The following RNF180 variants were observed in gnomAD, a reference collection of about 807,000 sequenced individuals.
RNF180 encodes the protein ring finger protein 180, also known as E3 ubiquitin-protein ligase RNF180.
In RNF180, 38 loss-of-function variants were observed where a neutral mutation model predicts 59.2. The observed-to-expected ratio is 0.64, with a 90% confidence interval of 0.50 to 0.84. RNF180 has a LOEUF of 0.84. Among genes scored for constraint, RNF180 ranks in the 40% least tolerant of loss-of-function variants. The pLI is 0.00. For missense variants in RNF180, 705 were observed against 700.9 expected (o/e 1.01, Z -0.07); for synonymous variants, 262 against 240.3 (o/e 1.09, Z -0.84).
chr5:64,186,756 A>T (rs1750892750), intron 1 of RNF180, among the ~76,000 whole-genome samples: 1 of 152,178 alleles, frequency 6.6e-6, no homozygotes. Flanking sequence ...AATCTCCAAA[A>T]ATAATGAAAA....
chr5:64,224,063 G>C (rs1362792444), intron 5 of RNF180, among the ~76,000 whole-genome samples: 1 of 27,114 alleles, frequency 3.7e-5, no homozygotes, highest in Non-Finnish European at 7.0e-5. Context: ...CTAGGTTGGG[G>C]TGTGTGTGTG....
rs1171637074 is a variant in RNF180, at chr5:64,234,578, CTTTTTTTTTTTTTTTTTTTTTTT to C, written c.1227+17199_1227+17221del. 2.9e-4 allele frequency among the ~76,000 whole-genome samples: 14 copies of C among 48,524 alleles called. No individual in the cohort carries two copies. In the East Asian group the frequency reaches 7.7e-3, roughly 27 times the overall value. The allele number at this position is 48,524 out of a possible 152,430, so 31.8% of individuals were successfully genotyped here. A position where few individuals can be genotyped will look rare whatever the true frequency, so the allele number is the denominator to read the frequency against. ...GCTTTCCAAATGGCAGTTACCCGTT[CTTTTTTTTTTTTTTTTTTTTTTT>C]TTTTTTTTTTTTTTTTGAGAAGGAG... On this transcript the variant is annotated intron_variant, in intron 5 of 7. Coordinates refer to ENST00000389100, the MANE Select transcript of RNF180 (RefSeq NM_001113561.2).
In RNF180 at chr5:64,275,964, C is replaced by T. The variant is rs187637360; in HGVS notation, c.1228-49222C>T. Among the ~76,000 whole-genome samples the T allele has an allele frequency of 3.1e-3, 471 of 152,110 alleles. 1 individual carries two copies. Among genetic ancestry groups the T allele is most frequent in the African/African-American group, 0.011 (444 of 41,526 alleles). Reference sequence around the variant, plus strand: ...GCTTCCCTGCTGACAAAACTCCAAACCTTATGGAATGTTCTATCCTGTCAT... The same window carrying T: ...GCTTCCCTGCTGACAAAACTCCAAATCTTATGGAATGTTCTATCCTGTCAT... On this transcript the variant is annotated intron_variant, in intron 5 of 7. Transcript: ENST00000389100.
At chr5:64,208,467 A>G (rs1169194046) in intron 2 of RNF180, among the ~76,000 whole-genome samples, 1 of 152,066 alleles carries the variant, frequency 6.6e-6, no homozygotes, top group Non-Finnish European at 1.5e-5. Context: ...ATCTTAAAAT[A>G]TGTCCATCAA....
At position 64,211,356 on chromosome 5, in the gene RNF180, A is replaced by G. The variant is rs572789966; in HGVS notation, c.136-709A>G. Reference sequence around the variant, plus strand: ...AAGCAGACCTGGGGATTAATGCTCAATGTGCTGCAAGCTTGGTTTATTTTT... The same window carrying G: ...AAGCAGACCTGGGGATTAATGCTCAGTGTGCTGCAAGCTTGGTTTATTTTT... On this transcript the variant is annotated intron_variant, in intron 2 of 7. Transcript: ENST00000389100. Among the ~76,000 whole-genome samples the G allele has an allele frequency of 2.6e-5, 4 of 152,284 alleles. No homozygotes were observed. In the South Asian group the frequency reaches 6.2e-4, roughly 24 times the overall value.
chr5:64,359,803 G>A (rs913026703), intron 7 of RNF180, among the ~76,000 whole-genome samples: 1 of 151,824 alleles, frequency 6.6e-6, no homozygotes, highest in African/African-American at 2.4e-5. Flanking sequence ...ATCTTGAATT[G>A]ATTTTTGTAT....
chr5:64,267,027 T>C (rs768855489), intron 5 of RNF180, among the ~76,000 whole-genome samples: 124 of 152,118 alleles, frequency 8.2e-4, no homozygotes, highest in Non-Finnish European at 1.7e-3. Context: ...GTATGTTTAA[T>C]TTTAGGATGC....
intron 5 of RNF180, among the ~76,000 whole-genome samples, chr5:64,291,049 T>C (rs768628132): frequency 3.9e-5 from 6 of 152,302 alleles, no homozygotes; most frequent in Non-Finnish European, 5.9e-5. Context: ...TCCCTCAGCA[T>C]TTGCTTGTCT....
intron 1 of RNF180, among the ~76,000 whole-genome samples, chr5:64,176,237 G>C (rs985256525): frequency 6.6e-6 from 1 of 151,806 alleles, no homozygotes; most frequent in Non-Finnish European, 1.5e-5. Context: ...TTGTCAGTTT[G>C]TTTTCAGTTT....
intron 7 of RNF180, among the ~76,000 whole-genome samples, chr5:64,362,418 T>G (rs1746293599): frequency 6.6e-6 from 1 of 151,952 alleles, no homozygotes; most frequent in Non-Finnish European, 1.5e-5. Flanking sequence ...GGCCATGATC[T>G]CATTCTTTTT....
At chr5:64,263,093 T>G (rs191368610) in intron 5 of RNF180, among the ~76,000 whole-genome samples, 7 of 152,332 alleles carry the variant, frequency 4.6e-5, no homozygotes, top group Admixed American at 4.6e-4. Context: ...AATAAGTCAC[T>G]TGTCGGAGAA....
intron 5 of RNF180, among the ~76,000 whole-genome samples, chr5:64,229,787 T>G (rs1023599934): frequency 6.6e-6 from 1 of 152,226 alleles, no homozygotes; most frequent in Non-Finnish European, 1.5e-5. Flanking sequence ...GCCGGTATTG[T>G]GCTTCAGTGT....
At chr5:64,211,631 C>T (rs1438039885) in intron 2 of RNF180, among the ~76,000 whole-genome samples, 1 of 152,142 alleles carries the variant, frequency 6.6e-6, no homozygotes, top group Non-Finnish European at 1.5e-5. Flanking sequence ...GTTCCTCCAT[C>T]TTTCTGCACA....
intron 4 of RNF180, among the ~76,000 whole-genome samples, chr5:64,216,757 C>T (rs1752652075): frequency 6.6e-6 from 1 of 152,164 alleles, no homozygotes; most frequent in African/African-American, 2.4e-5. Context: ...TGAGCATCTA[C>T]TTTGGGGAAA....
intron 7 of RNF180, among the ~76,000 whole-genome samples, chr5:64,363,406 T>C (rs193156003): frequency 2.2e-4 from 33 of 151,986 alleles, no homozygotes; most frequent in Admixed American, 3.9e-4. Context: ...TGGTTGTAGA[T>C]GTGTGGCCTT....
At chr5:64,358,516 A>G (rs141168265) in intron 7 of RNF180, among the ~76,000 whole-genome samples, 154 of 151,976 alleles carry the variant, frequency 1.0e-3, no homozygotes, top group African/African-American at 3.4e-3. Flanking sequence ...AAGAAGAACT[A>G]GAAGACATGA....
At chr5:64,314,977 T>C (rs1743964879) in intron 5 of RNF180, among the ~76,000 whole-genome samples, 1 of 152,228 alleles carries the variant, frequency 6.6e-6, no homozygotes, top group Non-Finnish European at 1.5e-5. Context: ...CACCTGATAC[T>C]AACTTTAAAT....
intron 5 of RNF180, among the ~76,000 whole-genome samples, chr5:64,227,467 C>T (rs1000180736): frequency 2.0e-5 from 3 of 152,206 alleles, no homozygotes; most frequent in African/African-American, 7.2e-5. Flanking sequence ...CCGCCCTCCT[C>T]AGAGCAGCCT....
Position 64,370,030 on chromosome 5 carries a change from A to C in RNF180, c.*216A>C. 3.0e-6 allele frequency: 1 copy of C among 332,558 alleles called. No individual in the cohort carries two copies. Among genetic ancestry groups the C allele is most frequent in the Admixed American group, 4.6e-5 (1 of 21,612 alleles). 20.6% of individuals were successfully genotyped at this position (332,558 alleles called of 1,614,324 possible). On this transcript the variant is annotated 3_prime_UTR_variant, in exon 8 of 8. Coordinates refer to ENST00000389100, the MANE Select transcript of RNF180 (RefSeq NM_001113561.2). ...CTAACCTACCCAGCACTTAGCAACAATGCACTATTAATTTCATAGTTGTTC... is the reference window on the plus strand; with the variant it reads ...CTAACCTACCCAGCACTTAGCAACACTGCACTATTAATTTCATAGTTGTTC...
Sources: allele counts gnomAD v4.1 joint callset (sites outside exome capture counted in the v4.1 genomes callset), GRCh38; gene constraint gnomAD v4.1.1; transcripts MANE v1.5; gene names NCBI Gene and HGNC (gene_info 2026-07-23, HGNC 2026-07-21).